The following DELE1 variants were observed in gnomAD, a reference collection of about 807,000 sequenced individuals.
DELE1 encodes the protein death ligand signal enhancer.
In DELE1, 54 loss-of-function variants were observed where a neutral mutation model predicts 59.3. The observed-to-expected ratio is 0.91, with a 90% CI of 0.73 to 1.14. DELE1 has a LOEUF of 1.14. Among genes scored for constraint, DELE1 ranks in the 50% most tolerant of loss-of-function variants. DELE1 has a pLI of 0.00. For synonymous variants in DELE1, 264 were observed against 259.1 expected, an observed-to-expected ratio of 1.02 and a Z score of -0.18; for missense variants, 636 against 643.9, an observed-to-expected ratio of 0.99 and a Z score of 0.13.
At chr5:141,925,273 G>A (rs994664837) in intron 2 of DELE1, 137 bp from the exon 3 acceptor site, 1 of 489,594 alleles carries the variant, frequency 2.0e-6, no homozygotes, top group Non-Finnish European at 3.7e-6. Context: ...ATCTTGACCA[G>A]GCTGGTCTTG....
chr5:141,938,785 G>C lies in DELE1; in HGVS notation c.*26G>C. The stretch of plus-strand genomic sequence containing the variant: ...GGTGAGATAAAACATAGTCCCTGGT[G>C]CCTCTTAGGGGCCAGAGCGGGCAGG... On this transcript the variant is annotated 3_prime_UTR_variant, in exon 12 of 12. Coordinates refer to ENST00000432126, the MANE Select transcript of DELE1 (RefSeq NM_014773.5). The C allele has an allele frequency of 6.3e-7, 1 of 1,589,624 alleles. No homozygotes were observed. The highest frequency in any genetic ancestry group is 8.6e-7 in the Non-Finnish European group (1 of 1,166,260).
Position 141,941,896 on chromosome 5 carries a change from A to G in DELE1, c.*3137A>G. Reference sequence around the variant, plus strand: ...CATAGTAGGTACTTTAAGTAATTTGAATGAATAATTTTAAATAACTTGAAT... The same window carrying G: ...CATAGTAGGTACTTTAAGTAATTTGGATGAATAATTTTAAATAACTTGAAT... On this transcript the variant is annotated 3_prime_UTR_variant, in exon 12 of 12. Transcript: ENST00000432126. The G allele has an allele frequency of 2.0e-6, 2 of 985,330 alleles. No individual in the cohort carries two copies. The highest frequency in any genetic ancestry group is 1.2e-6 in the Non-Finnish European group (1 of 829,906). 61.0% of individuals were successfully genotyped at this position (985,330 alleles called of 1,614,324 possible). A position where few individuals can be genotyped will look rare whatever the true frequency, so the allele number is the denominator to read the frequency against.
rs1751131747 is a variant in DELE1 at position 141,923,871 on chromosome 5, C to G, written c.-71C>G. ...CGGCCACTCGGGGCATCGCGGCGGC[C>G]TTTCTAGCCGCTGTCCCAAGGGTTG... On this transcript the variant is annotated 5_prime_UTR_variant, in exon 1 of 12. Transcript: ENST00000432126. 3 of 1,552,798 alleles carry G rather than the reference C, an allele frequency of 1.9e-6. No homozygotes were observed.
rs984391582 is a variant in DELE1 at position 141,940,110 on chromosome 5, G to A, written c.*1351G>A. The A allele has an allele frequency of 1.9e-5, 19 of 985,328 alleles. No homozygotes were observed. The highest frequency in any genetic ancestry group is 5.2e-5 in the African/African-American group (3 of 57,236). The allele number at this position is 985,328 out of a possible 1,614,324, so 61.0% of individuals were successfully genotyped here. A position where few individuals can be genotyped will look rare whatever the true frequency, so the allele number is the denominator to read the frequency against. ...GTCCCCATTTGGGAAACATGTGCCA[G>A]AAATGTCTAGGTGTTTAATAAAACA... On this transcript the variant is annotated 3_prime_UTR_variant, in exon 12 of 12. Transcript: ENST00000432126.
chr5:141,925,308 A>G, intron 2 of DELE1, 102 bp from the exon 3 acceptor site: 1 of 648,392 alleles, frequency 1.5e-6, no homozygotes, highest in Admixed American at 3.1e-5. Context: ...TGATCCACCC[A>G]CCTCAGCCTC....
At position 141,930,395 on chromosome 5, in the gene DELE1, G is replaced by A. The variant is rs902394127; in HGVS notation, c.754+121G>A. On this transcript the variant is annotated intron_variant, in intron 7 of 11. Coordinates refer to ENST00000432126, the MANE Select transcript of DELE1 (RefSeq NM_014773.5). ...GAGAGATTTTATTTTCTCCCAGGTA[G>A]GTAGACCAAATCTGGCATGGCAGGG... The A allele has an allele frequency of 1.9e-5, 13 of 701,620 alleles. No homozygotes were observed. In the African/African-American group the frequency reaches 2.3e-4, roughly 13 times the overall value. The allele number at this position is 701,620 out of a possible 1,614,324, so 43.5% of individuals were successfully genotyped here.
Position 141,941,888 on chromosome 5 carries a change from G to A in DELE1, c.*3129G>A. On this transcript the variant is annotated 3_prime_UTR_variant, in exon 12 of 12. Coordinates refer to ENST00000432126, the MANE Select transcript of DELE1 (RefSeq NM_014773.5). ...ACCCAGCACATAGTAGGTACTTTAA[G>A]TAATTTGAATGAATAATTTTAAATA... 2.0e-6 allele frequency: 2 copies of A among 985,354 alleles called. No individual in the cohort carries two copies. The highest frequency in any genetic ancestry group is 2.4e-6 in the Non-Finnish European group (2 of 829,910). The allele number at this position is 985,354 out of a possible 1,614,324, so 61.0% of individuals were successfully genotyped here.
At chr5:141,936,425 TTTTTGTTTTG>T (rs1281115940) in intron 10 of DELE1, among the ~76,000 whole-genome samples, 3 of 151,980 alleles carry the variant, frequency 2.0e-5, no homozygotes, top group African/African-American at 4.8e-5. Flanking sequence ...AGCATAGCGT[TTTTTGTTTTG>T]TTTTGTTTTG....
chr5:141,937,292 C>CG lies in DELE1; in HGVS notation c.1244_1245insG (p.Ala416SerfsTer6), dbSNP rs1419040618. ...GAGGCCTTGAGATGTTACCAGCAGT[C>CG]AGCCGCTCTGGGAAATGAGGCCGCC... is the stretch of plus-strand genomic sequence containing the variant. On this transcript the variant is annotated frameshift_variant, in exon 11 of 12. Coordinates refer to ENST00000432126, the MANE Select transcript of DELE1 (RefSeq NM_014773.5). LOFTEE classifies it high-confidence loss of function. 4 of 1,614,098 alleles carry CG rather than the reference C, an allele frequency of 2.5e-6. No homozygotes were observed. Among genetic ancestry groups the CG allele is most frequent in the Non-Finnish European group, 3.4e-6 (4 of 1,180,060 alleles).
intron 1 of DELE1, 93 bp downstream of exon 1, chr5:141,924,065 G>A: frequency 6.6e-7 from 1 of 1,513,990 alleles, no homozygotes. Context: ...AGCGATCGTG[G>A]GCCGGGTTAG....
At chr5:141,934,917 G>T in intron 10 of DELE1, 1 of 307,648 alleles carries the variant, frequency 3.3e-6, no homozygotes, top group Non-Finnish European at 6.1e-6. Context: ...GCACACTACT[G>T]GGCCTGGTCA....
chr5:141,929,826 A>G, intron 5 of DELE1, 86 bp downstream of exon 5: 1 of 1,556,096 alleles, frequency 6.4e-7, no homozygotes, highest in Non-Finnish European at 8.8e-7. Context: ...CTGCGAAGGG[A>G]ATTGGCACTC....
chr5:141,925,639 A>C, intron 3 of DELE1, 112 bp downstream of exon 3: 1 of 584,540 alleles, frequency 1.7e-6, no homozygotes, highest in Non-Finnish European at 2.9e-6. Flanking sequence ...TCCATTTAAC[A>C]AGTAACCCAT....
At position 141,934,547 on chromosome 5, in the gene DELE1, G is replaced by A; in HGVS notation, c.1110G>A (p.Gln370=). 1 of 1,614,260 alleles carries A rather than the reference G, an allele frequency of 6.2e-7. No individual in the cohort carries two copies. The highest frequency in any genetic ancestry group is 8.5e-7 in the Non-Finnish European group (1 of 1,180,048). Residue 370 remains glutamine, a synonymous_variant, in exon 10 of 12, where the codon CAG becomes CAA. Transcript: ENST00000432126. ...CCAAGGAGCCCTACCTGGATGAGCA[G>A]AGAGCTGTGAAATATCTTTGGCTTG... ...LFTKEPYLDE[Q]RAVKYLWLAA...
chr5:141,925,863 T>C (rs1751363584), intron 3 of DELE1, among the ~76,000 whole-genome samples: 1 of 152,180 alleles, frequency 6.6e-6, no homozygotes, highest in South Asian at 2.1e-4. Context: ...TTTTTATTAT[T>C]CATTTTTTTT....
At position 141,940,480 on chromosome 5, in the gene DELE1, C is replaced by G. The variant is rs73792067; in HGVS notation, c.*1721C>G. On this transcript the variant is annotated 3_prime_UTR_variant, in exon 12 of 12. Coordinates refer to ENST00000432126, the MANE Select transcript of DELE1 (RefSeq NM_014773.5). The stretch of plus-strand genomic sequence containing the variant: ...CATGACTGAGTGGAGACCAACCAGC[C>G]TGGCCAATTCAAAGGCAAGAAGATT... 1 of 985,470 alleles carries G rather than the reference C, an allele frequency of 1.0e-6. No homozygotes were observed. The highest frequency in any genetic ancestry group is 1.7e-5 in the African/African-American group (1 of 57,350). 61.0% of individuals were successfully genotyped at this position (985,470 alleles called of 1,614,324 possible). A position where few individuals can be genotyped will look rare whatever the true frequency, so the allele number is the denominator to read the frequency against.
rs201625206 is a variant in DELE1, at chr5:141,924,761, T to TG, written c.146+66_146+67insG. 1.9e-4 allele frequency: 207 copies of TG among 1,075,112 alleles called. No homozygotes were observed. In the African/African-American group the frequency reaches 2.6e-3, roughly 14 times the overall value. The allele number at this position is 1,075,112 out of a possible 1,614,324, so 66.6% of individuals were successfully genotyped here. On this transcript the variant is annotated intron_variant, in intron 2 of 11. Transcript: ENST00000432126. ...CACCCTTTTTTTTTATTTTTTTTTT[T>TG]TTGTTGTTTTTTGAGATGGAGTCTC...
rs1258753011 is a variant in DELE1 at position 141,934,309 on chromosome 5, C to A, written c.967C>A (p.Leu323Ile). 2 of 1,614,068 alleles carry A rather than the reference C, an allele frequency of 1.2e-6. No homozygotes were observed. Among genetic ancestry groups the A allele is most frequent in the Admixed American group, 1.7e-5 (1 of 60,010 alleles). Reference protein sequence around the residue: ...SLAQYRYARCLLRDPASSWNP... With the variant: ...SLAQYRYARCILRDPASSWNP... ...GGCTCAGTACCGCTATGCCAGGTGCCTACTACGAGACCCAGCCTCTTCGTG... is the reference window on the plus strand; with the variant it reads ...GGCTCAGTACCGCTATGCCAGGTGCATACTACGAGACCCAGCCTCTTCGTG... The change falls in exon 9 of 12, where the codon CTA (leucine) becomes ATA (isoleucine). Residue 323 changes from leucine to isoleucine, a missense_variant. Coordinates refer to ENST00000432126, the MANE Select transcript of DELE1 (RefSeq NM_014773.5).
rs376636019 is a variant in DELE1, at chr5:141,929,577, T to G, written c.413-5T>G. ...GACCTGACTACTCTTGCTGGCTCTT[T>G]CCAGCACTGCGACAACACATCCTCC... On this transcript the variant is annotated splice_region_variant and splice_polypyrimidine_tract_variant and intron_variant, in intron 4 of 11. Coordinates refer to ENST00000432126, the MANE Select transcript of DELE1 (RefSeq NM_014773.5). The G allele has an allele frequency of 6.2e-7, 1 of 1,613,120 alleles. No individual in the cohort carries two copies. The highest frequency in any genetic ancestry group is 1.3e-5 in the African/African-American group (1 of 75,018).
Sources: gnomAD v4.1 joint callset for allele counts (sites outside exome capture counted in the v4.1 genomes callset) on GRCh38, gnomAD v4.1.1 for gene constraint, MANE v1.5 for transcripts, NCBI Gene and HGNC (gene_info 2026-07-23, HGNC 2026-07-21) for gene names.